RGS7: variants seen among roughly 807,000 people sequenced by gnomAD.
The protein encoded by RGS7 is regulator of G-protein signaling 7.
A neutral mutation model predicts 81.1 loss-of-function variants in RGS7; 27 were observed. The ratio of observed to expected loss-of-function variants is 0.33; its 90% confidence interval spans 0.25 to 0.46. The LOEUF (loss-of-function observed/expected upper bound fraction) is 0.46, where lower values mean the gene tolerates loss of function less well. Among genes scored for constraint, RGS7 ranks in the 20% least tolerant of loss-of-function variants. The pLI is 1.00. For synonymous variants in RGS7, 208 were observed against 207.7 expected (o/e 1.00, Z -0.01); for missense variants, 396 against 607.4 (o/e 0.65, Z 3.66).
chr1:241,212,947 T>C (rs2074331710), intron 2 of RGS7, among the ~76,000 whole-genome samples: 1 of 152,168 alleles, frequency 6.6e-6, no homozygotes, highest in Non-Finnish European at 1.5e-5. Context: ...ACAGAGAAAA[T>C]GGACTGATCC....
At position 241,184,550 on chromosome 1, in the gene RGS7, T is replaced by C. The variant is rs549839249; in HGVS notation, c.79-85788A>G. ...TGAGGACACAAGTAGAAGGTTCCAC[T>C]TTATTTCCTGTTTCACACATAAGTA... On this transcript the variant is annotated intron_variant, in intron 2 of 18. Transcript: ENST00000440928. Among the ~76,000 whole-genome samples the C allele has an allele frequency of 8.5e-5, 13 of 152,348 alleles. No homozygotes were observed. The East Asian group carries it at 2.3e-3, about 27-fold the overall frequency.
At chr1:241,070,051 C>T (rs2062336064) in intron 3 of RGS7, among the ~76,000 whole-genome samples, 1 of 152,122 alleles carries the variant, frequency 6.6e-6, no homozygotes, top group Non-Finnish European at 1.5e-5. Context: ...AAAGCCTCTG[C>T]CTAGGATGAC....
intron 2 of RGS7, among the ~76,000 whole-genome samples, chr1:241,206,167 T>C (rs1236177835): frequency 1.3e-5 from 2 of 151,906 alleles, no homozygotes; most frequent in Admixed American, 1.3e-4. Context: ...GCTTCTTAAT[T>C]GGTTTTGCTG....
intron 2 of RGS7, among the ~76,000 whole-genome samples, chr1:241,227,937 C>G (rs1573235868): frequency 6.6e-6 from 1 of 152,242 alleles, no homozygotes; most frequent in East Asian, 1.9e-4. Context: ...CTTGCCATTC[C>G]TCCATCAAGA....
At chr1:241,152,288 A>G (rs566566588) in intron 2 of RGS7, among the ~76,000 whole-genome samples, 2 of 152,304 alleles carry the variant, frequency 1.3e-5, no homozygotes, top group Admixed American at 1.3e-4. Context: ...GTTTAAAAAT[A>G]TGTGTAAAAC....
At chr1:241,132,012 T>C (rs1414206572) in intron 2 of RGS7, among the ~76,000 whole-genome samples, 1 of 152,232 alleles carries the variant, frequency 6.6e-6, no homozygotes, top group Admixed American at 6.5e-5. Context: ...ATGTGATGGA[T>C]TGTCCTTAAT....
At chr1:241,091,621 C>T (rs1017065624) in intron 3 of RGS7, among the ~76,000 whole-genome samples, 9 of 151,720 alleles carry the variant, frequency 5.9e-5, no homozygotes, top group South Asian at 2.1e-4. Flanking sequence ...TGCAATGGCT[C>T]GCATCTGTAA....
At chr1:240,833,003 T>C (rs1694104084) in intron 9 of RGS7, among the ~76,000 whole-genome samples, 1 of 152,134 alleles carries the variant, frequency 6.6e-6, no homozygotes, top group African/African-American at 2.4e-5. Flanking sequence ...CACATGCTTA[T>C]CATAAAGTTT....
intron 2 of RGS7, among the ~76,000 whole-genome samples, chr1:241,291,277 G>C (rs1392660908): frequency 6.6e-6 from 1 of 152,120 alleles, no homozygotes; most frequent in Non-Finnish European, 1.5e-5. Context: ...CAGAGAATTG[G>C]TAGGGACCTT....
chr1:240,909,552 T>C (rs192371099), intron 6 of RGS7, among the ~76,000 whole-genome samples: 1 of 152,170 alleles, frequency 6.6e-6, no homozygotes, highest in Non-Finnish European at 1.5e-5. Context: ...TCTTTGAAAC[T>C]CAGCTCTAAA....
chr1:241,071,712 A>C (rs1190314192), intron 3 of RGS7, among the ~76,000 whole-genome samples: 2 of 151,574 alleles, frequency 1.3e-5, no homozygotes, highest in Non-Finnish European at 2.9e-5. Context: ...TCTACAAAAA[A>C]ATTTAAAAAA....
At chr1:241,038,970 G>C (rs1256439129) in intron 3 of RGS7, among the ~76,000 whole-genome samples, 1 of 151,226 alleles carries the variant, frequency 6.6e-6, no homozygotes, top group Non-Finnish European at 1.5e-5. Flanking sequence ...CTGTTGAAAA[G>C]AAATAGAAAG....
At chr1:241,035,254 G>A (rs2060266385) in intron 3 of RGS7, among the ~76,000 whole-genome samples, 6 of 152,040 alleles carry the variant, frequency 3.9e-5, no homozygotes, top group Admixed American at 3.9e-4. Context: ...GATGTAAAGG[G>A]AATATCTAAG....
At chr1:241,097,911 T>C (rs1487054941) in intron 3 of RGS7, among the ~76,000 whole-genome samples, 1 of 152,172 alleles carries the variant, frequency 6.6e-6, no homozygotes, top group African/African-American at 2.4e-5. Flanking sequence ...CATTGGGCTA[T>C]GTCTTTTATT....
At chr1:241,084,366 G>C (rs776735775) in intron 3 of RGS7, among the ~76,000 whole-genome samples, 4 of 152,146 alleles carry the variant, frequency 2.6e-5, no homozygotes, top group Non-Finnish European at 5.9e-5. Context: ...CACACTGTTA[G>C]AGGACCAAAA....
intron 2 of RGS7, among the ~76,000 whole-genome samples, chr1:241,338,847 T>C (rs543051720): frequency 3.3e-5 from 5 of 152,208 alleles, no homozygotes; most frequent in African/African-American, 1.2e-4. Context: ...TCATCATCAC[T>C]GATTCCTTAT....
chr1:241,039,052 C>T (rs981706602), intron 3 of RGS7, among the ~76,000 whole-genome samples: 10 of 151,888 alleles, frequency 6.6e-5, no homozygotes, highest in African/African-American at 2.4e-4. Flanking sequence ...TACCACAATG[C>T]CCACTTCCGA....
At chr1:240,895,951 T>C (rs1217992958) in intron 6 of RGS7, among the ~76,000 whole-genome samples, 2 of 152,198 alleles carry the variant, frequency 1.3e-5, no homozygotes, top group Non-Finnish European at 2.9e-5. Context: ...CAGCAACTGT[T>C]GTTTCCTGAC....
At chr1:240,904,282 A>G (rs747792760) in intron 6 of RGS7, among the ~76,000 whole-genome samples, 64 of 152,312 alleles carry the variant, frequency 4.2e-4, no homozygotes, top group Admixed American at 3.3e-4. Flanking sequence ...CTCCCAGAAA[A>G]GATCAGGACG....
Sources: gnomAD v4.1 joint callset for allele counts (sites outside exome capture counted in the v4.1 genomes callset) on GRCh38, gnomAD v4.1.1 for gene constraint, MANE v1.5 for transcripts, NCBI Gene and HGNC (gene_info 2026-07-23, HGNC 2026-07-21) for gene names.